Variants in NUCKS1 observed in about 807,000 individuals in gnomAD.
NUCKS1 encodes the protein nuclear casein kinase and cyclin dependent kinase substrate 1, also known as nuclear ubiquitous casein and cyclin-dependent kinase substrate 1.
A neutral mutation model predicts 33.0 loss-of-function variants in NUCKS1; 2 were observed. The ratio of observed to expected loss-of-function variants is 0.06; its 90% CI spans 0.02 to 0.19. The LOEUF (loss-of-function observed/expected upper bound fraction) is 0.19. NUCKS1 is among the 10% of genes least tolerant of loss of function. The probability of loss-of-function intolerance (pLI) is 1.00; values close to 1 mark genes in which losing one functional copy is unlikely to be tolerated. For synonymous variants in NUCKS1, 106 were observed against 102.8 expected, an observed-to-expected ratio of 1.03 and a Z score of -0.19; for missense variants, 201 against 293.6, an observed-to-expected ratio of 0.68 and a Z score of 2.31.
chr1:205,745,376 C>G (rs530753983), intron 1 of NUCKS1, among the ~76,000 whole-genome samples: 14 of 152,214 alleles, frequency 9.2e-5, no homozygotes, highest in Middle Eastern at 3.4e-3. Flanking sequence ...ATAGTCCCAG[C>G]TACCTGAAAG....
chr1:205,718,248 TA>T lies in NUCKS1; in HGVS notation c.*31del. ...TTTTCTTTTTTTTTCTTTTTTTTTT[TA>T]ATAAAATCTCTCCCCAGACCATCAT... is the stretch of plus-strand genomic sequence containing the variant. On this transcript the variant is annotated 3_prime_UTR_variant, in exon 7 of 7. Transcript: ENST00000367142. The T allele has an allele frequency of 5.3e-6, 8 of 1,520,806 alleles. No individual in the cohort carries two copies. Among genetic ancestry groups the T allele is most frequent in the South Asian group, 2.7e-5 (2 of 73,494 alleles). The allele number at this position is 1,520,806 out of a possible 1,614,324, so 94.2% of individuals were successfully genotyped here.
At chr1:205,749,230 A>G (rs1290620682) in intron 1 of NUCKS1, among the ~76,000 whole-genome samples, 1 of 152,208 alleles carries the variant, frequency 6.6e-6, no homozygotes, top group Non-Finnish European at 1.5e-5. Context: ...AGTCGGAGAG[A>G]AAGAGCGAAC....
At chr1:205,724,041 A>T in intron 3 of NUCKS1, 60 bp from the exon 4 acceptor site, 5 of 1,180,184 alleles carry the variant, frequency 4.2e-6, no homozygotes, top group Non-Finnish European at 6.4e-6. Flanking sequence ...CTAAGTGAAC[A>T]TAGATCTCTG....
At chr1:205,745,654 C>T (rs1654302441) in intron 1 of NUCKS1, among the ~76,000 whole-genome samples, 1 of 152,120 alleles carries the variant, frequency 6.6e-6, no homozygotes. Context: ...TGACCATCTT[C>T]ACACTGAATA....
chr1:205,744,138 T>C (rs770331929), intron 1 of NUCKS1, among the ~76,000 whole-genome samples: 6 of 152,198 alleles, frequency 3.9e-5, no homozygotes, highest in Non-Finnish European at 7.3e-5. Context: ...AGTTCTATTA[T>C]GAACTGTAAC....
intron 4 of NUCKS1, 114 bp downstream of exon 4, chr1:205,723,812 T>A: frequency 1.4e-6 from 1 of 710,186 alleles, no homozygotes; most frequent in Non-Finnish European, 2.4e-6. Flanking sequence ...GATGGAAACG[T>A]CTTTGTAATC....
chr1:205,727,798 A>G lies in NUCKS1; in HGVS notation c.75T>C (p.Asp25=), dbSNP rs764113786. 1 of 1,605,906 alleles carries G rather than the reference A, an allele frequency of 6.2e-7. No homozygotes were observed. The highest frequency in any genetic ancestry group is 8.5e-7 in the Non-Finnish European group (1 of 1,173,392). ...TGGGAGGGCCCGAATCTCTTCCATA[A>G]TCTTCATCTAAACAGTGTTTTTCAA... ...QFQESDDADE[D]YGRDSGPPTK... Residue 25 remains aspartate, a synonymous_variant, in exon 3 of 7, where the codon GAT becomes GAC. Transcript: ENST00000367142.
intron 1 of NUCKS1, among the ~76,000 whole-genome samples, chr1:205,739,997 GT>G (rs60866378): frequency 4.9e-3 from 401 of 81,736 alleles, no homozygotes; most frequent in African/African-American, 0.015. Context: ...TTTACTTTAG[GT>G]TTTTTTTTTT....
At chr1:205,722,842 T>C (rs1315593712) in intron 4 of NUCKS1, among the ~76,000 whole-genome samples, 1 of 152,240 alleles carries the variant, frequency 6.6e-6, no homozygotes, top group Non-Finnish European at 1.5e-5. Context: ...CCATGAGCCT[T>C]GCCATAGTCA....
intron 1 of NUCKS1, among the ~76,000 whole-genome samples, chr1:205,748,104 AG>A (rs956540347): frequency 1.6e-4 from 24 of 152,298 alleles, no homozygotes; most frequent in African/African-American, 5.5e-4. Context: ...AAAGTTGTGC[AG>A]AAGTCCCAAT....
At chr1:205,734,262 C>A (rs937861214) in intron 1 of NUCKS1, among the ~76,000 whole-genome samples, 2 of 152,092 alleles carry the variant, frequency 1.3e-5, no homozygotes, top group Admixed American at 1.3e-4. Flanking sequence ...TTTCAACAAA[C>A]AGAACTACAG....
chr1:205,738,543 G>A (rs1250217819), intron 1 of NUCKS1, among the ~76,000 whole-genome samples: 2 of 150,510 alleles, frequency 1.3e-5, no homozygotes, highest in Non-Finnish European at 2.9e-5. Flanking sequence ...GAATCACTAC[G>A]ACTGGCCCAA....
intron 3 of NUCKS1, among the ~76,000 whole-genome samples, chr1:205,727,042 C>A (rs949072494): frequency 1.3e-5 from 2 of 152,118 alleles, no homozygotes; most frequent in Admixed American, 1.3e-4. Flanking sequence ...TAGCTCACTG[C>A]AGCCTTGAAC....
chr1:205,726,108 A>G (rs1329796726), intron 3 of NUCKS1, among the ~76,000 whole-genome samples: 2 of 152,312 alleles, frequency 1.3e-5, no homozygotes, highest in East Asian at 3.9e-4. Context: ...CTGAGGCAAG[A>G]GAATCACTTG....
At chr1:205,737,872 T>C (rs1654068357) in intron 1 of NUCKS1, among the ~76,000 whole-genome samples, 1 of 152,228 alleles carries the variant, frequency 6.6e-6, no homozygotes, top group South Asian at 2.1e-4. Flanking sequence ...CAAAATAGGT[T>C]TTCTAAAGAT....
At chr1:205,746,188 C>G (rs1481259283) in intron 1 of NUCKS1, among the ~76,000 whole-genome samples, 1 of 151,888 alleles carries the variant, frequency 6.6e-6, no homozygotes, top group Non-Finnish European at 1.5e-5. Context: ...TCCAGCTACT[C>G]TGAGGCTGAG....
At chr1:205,741,243 T>C (rs911150338) in intron 1 of NUCKS1, among the ~76,000 whole-genome samples, 1 of 128,008 alleles carries the variant, frequency 7.8e-6, no homozygotes, top group Non-Finnish European at 1.5e-5. Flanking sequence ...GAGCTTGCAG[T>C]GAGCCGAGAT....
Position 205,718,103 on chromosome 1 carries a change from A to AG in NUCKS1, c.*176_*177insC, listed in dbSNP as rs1553251431. 9.0e-4 allele frequency: 1,015 copies of AG among 1,123,642 alleles called. No individual in the cohort carries two copies. Among genetic ancestry groups the AG allele is most frequent in the East Asian group, 1.7e-3 (45 of 26,892 alleles). The allele number at this position is 1,123,642 out of a possible 1,614,324, so 69.6% of individuals were successfully genotyped here. On this transcript the variant is annotated 3_prime_UTR_variant, in exon 7 of 7. Coordinates refer to ENST00000367142, the MANE Select transcript of NUCKS1 (RefSeq NM_022731.5). ...TTTGCTTTAAAAAAAAAAAAAAAAA[A>AG]AGAGAGAGAGAGAGAAATGTTACTT...
intron 6 of NUCKS1, among the ~76,000 whole-genome samples, chr1:205,718,821 T>C (rs112233980): frequency 2.3e-4 from 35 of 152,294 alleles, no homozygotes; most frequent in African/African-American, 7.0e-4. Flanking sequence ...ATGATAAAAG[T>C]TGTTTATAAA....
Sources: allele counts gnomAD v4.1 joint callset (sites outside exome capture counted in the v4.1 genomes callset), GRCh38; gene constraint gnomAD v4.1.1; transcripts MANE v1.5; gene names NCBI Gene and HGNC (gene_info 2026-07-23, HGNC 2026-07-21).